The following ANKS1B variants were observed in gnomAD, a reference collection of about 807,000 sequenced individuals.
ANKS1B encodes the protein ankyrin repeat and sterile alpha motif domain containing 1B.
In ANKS1B, 36 loss-of-function variants were observed where a neutral mutation model predicts 148.3. The observed-to-expected ratio is 0.24, with a 90% confidence interval of 0.19 to 0.32. The LOEUF (loss-of-function observed/expected upper bound fraction) is 0.32. Ranked by LOEUF, ANKS1B falls within the 10% of genes least tolerant of loss-of-function variation. The probability of loss-of-function intolerance (pLI) is 1.00; values close to 1 mark genes in which losing one functional copy is unlikely to be tolerated. For missense variants in ANKS1B, 1,157 were observed against 1,542.6 expected, an observed-to-expected ratio of 0.75 and a Z score of 4.19; for synonymous variants, 542 against 560.8, an observed-to-expected ratio of 0.97 and a Z score of 0.47.
intron 1 of ANKS1B, among the ~76,000 whole-genome samples, chr12:99,938,852 C>T (rs1603471792): frequency 6.6e-6 from 1 of 152,254 alleles, no homozygotes; most frequent in African/African-American, 2.4e-5. Flanking sequence ...AGCCATCAGG[C>T]CTGTTAGGTA....
At chr12:99,392,036 G>C (rs142161979) in intron 12 of ANKS1B, among the ~76,000 whole-genome samples, 529 of 152,246 alleles carry the variant, frequency 3.5e-3, no homozygotes, top group Non-Finnish European at 5.3e-3. Context: ...ATATTTTTAG[G>C]AAAACAGGTC....
At chr12:99,811,228 TTCAAAGTCCG>T (rs2068316096) in intron 3 of ANKS1B, among the ~76,000 whole-genome samples, 1 of 151,944 alleles carries the variant, frequency 6.6e-6, no homozygotes, top group Non-Finnish European at 1.5e-5. Context: ...CAGTCTGAAT[TTCAAAGTCCG>T]GCAAAGTCTG....
intron 17 of ANKS1B, among the ~76,000 whole-genome samples, chr12:99,030,168 C>T (rs962497837): frequency 1.3e-5 from 2 of 152,214 alleles, no homozygotes; most frequent in Non-Finnish European, 2.9e-5. Context: ...CAAAGAGCAC[C>T]ACCACATCAA....
At chr12:99,120,786 C>T (rs1187749417) in intron 15 of ANKS1B, among the ~76,000 whole-genome samples, 3 of 151,998 alleles carry the variant, frequency 2.0e-5, no homozygotes, top group Non-Finnish European at 4.4e-5. Context: ...ATTTGAGGTC[C>T]CTGGGGGGCA....
intron 17 of ANKS1B, among the ~76,000 whole-genome samples, chr12:98,908,824 G>A (rs576168055): frequency 2.0e-5 from 3 of 152,354 alleles, no homozygotes; most frequent in African/African-American, 4.8e-5. Flanking sequence ...AGGAGTGACA[G>A]TATGTCCTTT....
At chr12:98,979,680 A>G (rs375107816) in intron 17 of ANKS1B, among the ~76,000 whole-genome samples, 1 of 131,102 alleles carries the variant, frequency 7.6e-6, no homozygotes, top group African/African-American at 3.2e-5. Context: ...TTTTTTTTTT[A>G]GCAATTTAAT....
intron 16 of ANKS1B, among the ~76,000 whole-genome samples, chr12:99,053,693 T>G (rs1330860792): frequency 6.6e-6 from 1 of 152,246 alleles, no homozygotes; most frequent in Non-Finnish European, 1.5e-5. Context: ...ATGTAGATGA[T>G]AATTCTCATA....
At chr12:99,361,558 G>A (rs1287265825) in intron 12 of ANKS1B, among the ~76,000 whole-genome samples, 1 of 152,058 alleles carries the variant, frequency 6.6e-6, no homozygotes, top group African/African-American at 2.4e-5. Flanking sequence ...GAATTAGTAA[G>A]TGTTCAGAGT....
At chr12:99,734,388 G>C (rs753376888) in intron 8 of ANKS1B, among the ~76,000 whole-genome samples, 9 of 152,208 alleles carry the variant, frequency 5.9e-5, no homozygotes, top group Middle Eastern at 3.4e-3. Context: ...CACCTCCCGG[G>C]TTCAAGCAAC....
At chr12:99,870,812 T>A (rs1412361288) in intron 1 of ANKS1B, among the ~76,000 whole-genome samples, 4 of 152,224 alleles carry the variant, frequency 2.6e-5, no homozygotes, top group African/African-American at 9.6e-5. Flanking sequence ...TTATAGATTT[T>A]GGATATTAAA....
intron 9 of ANKS1B, chr12:99,650,159 A>G (rs552731839): frequency 6.6e-6 from 1 of 152,304 alleles, no homozygotes; most frequent in African/African-American, 2.4e-5. Context: ...TTAACTTTAT[A>G]TTTTTTAAAT....
intron 9 of ANKS1B, chr12:99,648,222 C>A (rs779288295): frequency 6.2e-7 from 1 of 1,614,110 alleles, no homozygotes; most frequent in East Asian, 2.2e-5. Context: ...AAAGCAGCCC[C>A]GCAATGGGCA....
intron 15 of ANKS1B, among the ~76,000 whole-genome samples, chr12:99,088,078 T>C (rs527473550): frequency 2.2e-4 from 34 of 152,266 alleles, no homozygotes; most frequent in Non-Finnish European, 4.1e-4. Context: ...GAACCAAAAT[T>C]ATGGGAAGCA....
At chr12:99,569,173 T>TA (rs1252972263) in intron 9 of ANKS1B, among the ~76,000 whole-genome samples, 2 of 152,190 alleles carry the variant, frequency 1.3e-5, no homozygotes, top group African/African-American at 2.4e-5. Context: ...ACTTGAAATT[T>TA]AAAAAACATA....
chr12:99,347,148 T>C (rs979093723), intron 12 of ANKS1B, among the ~76,000 whole-genome samples: 6 of 151,840 alleles, frequency 4.0e-5, no homozygotes, highest in Admixed American at 2.6e-4. Context: ...AACTCAGAAC[T>C]CTCCCAGGGC....
Position 98,864,620 on chromosome 12 carries a change from A to C in ANKS1B, c.2779-32484T>G, listed in dbSNP as rs113832328. On this transcript the variant is annotated intron_variant, in intron 17 of 26. Transcript: ENST00000683438. ...CTGCCAGCAGGCAGCCTTTGGGATC[A>C]AACTGCAGATTCTGGACTTGCCAGC... is the stretch of plus-strand genomic sequence containing the variant. Among the ~76,000 whole-genome samples the C allele has an allele frequency of 8.0e-3, 1,219 of 152,324 alleles. 12 individuals are homozygous for C. The highest frequency in any genetic ancestry group is 0.028 in the African/African-American group (1,161 of 41,560).
intron 1 of ANKS1B, among the ~76,000 whole-genome samples, chr12:99,932,397 T>C (rs549129320): frequency 6.6e-6 from 1 of 152,162 alleles, no homozygotes; most frequent in African/African-American, 2.4e-5. Flanking sequence ...ACCAACAGCA[T>C]ACAAATGTTC....
chr12:99,805,883 A>C (rs1252584984), intron 4 of ANKS1B, among the ~76,000 whole-genome samples: 3 of 152,134 alleles, frequency 2.0e-5, no homozygotes, highest in Non-Finnish European at 4.4e-5. Flanking sequence ...CTAAATTCAC[A>C]TCCCGGTTTT....
chr12:99,370,655 A>G (rs1417078189), intron 12 of ANKS1B, among the ~76,000 whole-genome samples: 1 of 152,180 alleles, frequency 6.6e-6, no homozygotes, highest in African/African-American at 2.4e-5. Context: ...CACATACACT[A>G]GTTTCAGGGT....
Sources: gnomAD v4.1 joint callset for allele counts (sites outside exome capture counted in the v4.1 genomes callset) on GRCh38, gnomAD v4.1.1 for gene constraint, MANE v1.5 for transcripts, NCBI Gene and HGNC (gene_info 2026-07-23, HGNC 2026-07-21) for gene names.